The following ATG7 variants were observed in gnomAD, a reference collection of about 807,000 sequenced individuals.
ATG7 encodes ubiquitin-like modifier-activating enzyme ATG7.
In ATG7, 70 loss-of-function variants were observed where a neutral mutation model predicts 82.4. The ratio of observed to expected loss-of-function variants is 0.85; its 90% confidence interval spans 0.70 to 1.04. The LOEUF is 1.04. ATG7 is among the 50% of genes least tolerant of loss of function. The probability of loss-of-function intolerance (pLI) is 0.00; values close to 1 mark genes in which losing one functional copy is unlikely to be tolerated. For synonymous variants in ATG7, 287 were observed against 313.0 expected (o/e 0.92, Z 0.88); for missense variants, 792 against 864.3 (o/e 0.92, Z 1.05).
downstream of ATG7, among the ~76,000 whole-genome samples, chr3:11,560,022 G>A (rs910635033): frequency 2.0e-5 from 3 of 152,160 alleles, no homozygotes; most frequent in East Asian, 3.9e-4. Context: ...ACCCCAGCCC[G>A]ATCTGCCCTG....
Position 11,546,464 on chromosome 3 carries a change from G to A in ATG7, c.2080-8347G>A, listed in dbSNP as rs768493786. Among the ~76,000 whole-genome samples the A allele has an allele frequency of 3.7e-4, 57 of 152,222 alleles. 2 individuals carry two copies. The Middle Eastern group carries it at 0.021, about 55-fold the overall frequency. On this transcript the variant is annotated intron_variant, in intron 20 of 20. Coordinates refer to ENST00000693202, the MANE Select transcript of ATG7 (RefSeq NM_001349232.2). ...TGGGATTACAGGCGTGAGCCACTGC[G>A]CCCAGCCTTATTTTAAATGTTTACA... is the stretch of plus-strand genomic sequence containing the variant.
chr3:11,334,368 C>T (rs1040515907), intron 11 of ATG7, among the ~76,000 whole-genome samples: 4 of 151,918 alleles, frequency 2.6e-5, no homozygotes, highest in Non-Finnish European at 5.9e-5. Context: ...CCTCGGCCTC[C>T]CAAGAAGCTG....
chr3:11,293,803 A>G (rs1366763010), intron 3 of ATG7, among the ~76,000 whole-genome samples: 1 of 151,836 alleles, frequency 6.6e-6, no homozygotes, highest in East Asian at 1.9e-4. Flanking sequence ...GTGAGCCGAG[A>G]TCATGCCACT....
intron 19 of ATG7, among the ~76,000 whole-genome samples, chr3:11,403,951 CTTT>C (rs2080086281): frequency 6.6e-6 from 1 of 151,964 alleles, no homozygotes; most frequent in African/African-American, 2.4e-5. Flanking sequence ...CTTGGAATGT[CTTT>C]TTGTTTGCAT....
intron 20 of ATG7, among the ~76,000 whole-genome samples, chr3:11,513,595 G>A (rs1007470191): frequency 6.6e-6 from 1 of 152,174 alleles, no homozygotes; most frequent in Admixed American, 6.5e-5. Flanking sequence ...CAAGTGTGGC[G>A]TGCAGCCCCA....
intron 11 of ATG7, among the ~76,000 whole-genome samples, chr3:11,335,567 A>G (rs996897694): frequency 1.4e-4 from 21 of 152,196 alleles, no homozygotes; most frequent in African/African-American, 5.1e-4. Flanking sequence ...GGCACCTTCC[A>G]TGGGGTAATC....
chr3:11,433,313 AAAG>A lies in ATG7; in HGVS notation c.2079+6388_2079+6390del, dbSNP rs1327809096. Reference sequence around the variant, plus strand: ...TTAAAAAAAAAAAAAAAAAAAAAAAAAAGCTGCGTTTGTTGAAGAAATGCTCAG... The same window carrying A: ...TTAAAAAAAAAAAAAAAAAAAAAAAACTGCGTTTGTTGAAGAAATGCTCAG... On this transcript the variant is annotated intron_variant, in intron 20 of 20. Coordinates refer to ENST00000693202, the MANE Select transcript of ATG7 (RefSeq NM_001349232.2). Among the ~76,000 whole-genome samples, 1,003 of 150,730 alleles carry A rather than the reference AAAG, an allele frequency of 6.7e-3. 8 individuals are homozygous for A. The highest frequency in any genetic ancestry group is 0.02 in the South Asian group (95 of 4,772).
intron 3 of ATG7, among the ~76,000 whole-genome samples, chr3:11,283,766 T>C (rs1943471033): frequency 6.6e-6 from 1 of 152,020 alleles, no homozygotes; most frequent in Non-Finnish European, 1.5e-5. Context: ...AGCAAAACCC[T>C]ACTAAAAATA....
chr3:11,459,448 ATAAT>A (rs1377600489), intron 20 of ATG7, among the ~76,000 whole-genome samples: 15 of 152,098 alleles, frequency 9.9e-5, no homozygotes, highest in Admixed American at 9.8e-4. Flanking sequence ...CATCATAGAA[ATAAT>A]TAATTCTGGA....
At chr3:11,441,507 G>A (rs1433713650) in intron 20 of ATG7, among the ~76,000 whole-genome samples, 1 of 152,084 alleles carries the variant, frequency 6.6e-6, no homozygotes, top group African/African-American at 2.4e-5. Context: ...CTCCGAAAGT[G>A]CTGGGATTAC....
intron 9 of ATG7, among the ~76,000 whole-genome samples, chr3:11,320,260 G>A (rs922359668): frequency 1.3e-5 from 2 of 151,152 alleles, no homozygotes; most frequent in African/African-American, 4.9e-5. Context: ...CTTCTGTTGC[G>A]AGCTCTCATA....
intron 20 of ATG7, among the ~76,000 whole-genome samples, chr3:11,455,895 C>G (rs956097614): frequency 1.3e-5 from 2 of 152,212 alleles, no homozygotes; most frequent in African/African-American, 4.8e-5. Context: ...TATGTTCTTT[C>G]AAACCATCTA....
At chr3:11,474,442 A>T (rs879452718) in intron 20 of ATG7, among the ~76,000 whole-genome samples, 1 of 152,158 alleles carries the variant, frequency 6.6e-6, no homozygotes, top group Admixed American at 6.5e-5. Context: ...TCTACAAAAA[A>T]TACAAAAATT....
intron 17 of ATG7, 136 bp from the exon 18 acceptor site, chr3:11,364,522 GT>G: frequency 1.1e-6 from 1 of 895,434 alleles, no homozygotes; most frequent in East Asian, 2.5e-5. Context: ...AGGGAAATTA[GT>G]TTTTTGCTAA....
chr3:11,500,149 T>C (rs1176004716), intron 20 of ATG7, among the ~76,000 whole-genome samples: 2 of 152,134 alleles, frequency 1.3e-5, no homozygotes, highest in Non-Finnish European at 2.9e-5. Flanking sequence ...TTTAATTCAA[T>C]AGCAGCAACG....
chr3:11,467,027 G>A (rs1357963540), intron 20 of ATG7, among the ~76,000 whole-genome samples: 1 of 152,114 alleles, frequency 6.6e-6, no homozygotes, highest in East Asian at 1.9e-4. Context: ...TGGAGGCTGA[G>A]GCAGGAGAAT....
At chr3:11,291,519 G>A (rs1383231745) in intron 3 of ATG7, among the ~76,000 whole-genome samples, 3 of 152,182 alleles carry the variant, frequency 2.0e-5, no homozygotes. Context: ...TAAGCTCCCA[G>A]TGTCTCAGTT....
intron 20 of ATG7, among the ~76,000 whole-genome samples, chr3:11,550,777 G>A (rs1391976837): frequency 6.6e-6 from 1 of 151,934 alleles, no homozygotes; most frequent in Non-Finnish European, 1.5e-5. Flanking sequence ...TTGCCTTTTT[G>A]ACTGTTTTCC....
In ATG7 at chr3:11,538,556, C is replaced by G. The variant is rs189816110; in HGVS notation, c.2080-16255C>G. Reference sequence around the variant, plus strand: ...ATTTGAATATGACACAGAATAGGCCCTTAGTGCCAGCCTCAGGGGCTCACA... The same window carrying G: ...ATTTGAATATGACACAGAATAGGCCGTTAGTGCCAGCCTCAGGGGCTCACA... On this transcript the variant is annotated intron_variant, in intron 20 of 20. Coordinates refer to ENST00000693202, the MANE Select transcript of ATG7 (RefSeq NM_001349232.2). Among the ~76,000 whole-genome samples the G allele has an allele frequency of 7.3e-5, 11 of 151,648 alleles. No homozygotes were observed. In the East Asian group the frequency reaches 1.9e-3, roughly 27 times the overall value.
Sources: allele counts gnomAD v4.1 joint callset (sites outside exome capture counted in the v4.1 genomes callset), GRCh38; gene constraint gnomAD v4.1.1; transcripts MANE v1.5; gene names NCBI Gene and HGNC (gene_info 2026-07-23, HGNC 2026-07-21).